FBN3: variants seen among roughly 807,000 people sequenced by gnomAD.
The protein encoded by FBN3 is fibrillin 3.
FBN3 carries 234 observed loss-of-function variants against 330.1 expected under a neutral mutation model. The ratio of observed to expected loss-of-function variants is 0.71; its 90% CI spans 0.64 to 0.79. The LOEUF (loss-of-function observed/expected upper bound fraction) is 0.79. FBN3 is among the 30% of genes least tolerant of loss of function. The pLI is 0.00. For missense variants in FBN3, 3,606 were observed against 3,886.9 expected, an observed-to-expected ratio of 0.93 and a Z score of 1.92; for synonymous variants, 1,458 against 1,517.3, an observed-to-expected ratio of 0.96 and a Z score of 0.91.
In FBN3 at chr19:8,066,023, C is replaced by T. The variant is rs1481326876; in HGVS notation, c.8326G>A (p.Glu2776Lys). 1 of 1,612,978 alleles carries T rather than the reference C, an allele frequency of 6.2e-7. No individual in the cohort carries two copies. The highest frequency in any genetic ancestry group is 1.1e-5 in the South Asian group (1 of 91,086). Residue 2776 changes from glutamate to lysine, a missense_variant, in exon 64 of 64, where the codon GAG becomes AAG. Coordinates refer to ENST00000600128, the MANE Select transcript of FBN3 (RefSeq NM_032447.5). ...RRPGPGTYRLEVVSHMAGPWG... is the reference protein window; with the variant it reads ...RRPGPGTYRLKVVSHMAGPWG... The stretch of plus-strand genomic sequence containing the variant: ...GGTCCTGCCATGTGGCTCACCACCT[C>T]CAGCCGGTAGGTTCCAGGCCCCGGC...
intron 22 of FBN3, among the ~76,000 whole-genome samples, chr19:8,125,664 G>A (rs1279990663): frequency 1.3e-5 from 2 of 151,756 alleles, no homozygotes; most frequent in African/African-American, 4.8e-5. Flanking sequence ...GGTGGTATGT[G>A]CCTGTAATCC....
At chr19:8,143,497 CTT>C (rs557671451) in intron 6 of FBN3, among the ~76,000 whole-genome samples, 13 of 126,082 alleles carry the variant, frequency 1.0e-4, no homozygotes, top group Admixed American at 1.8e-4. Flanking sequence ...CTTTTCTTTT[CTT>C]TTTTTTTTTT....
At chr19:8,117,380 A>G (rs984316597) in intron 27 of FBN3, 84 bp downstream of exon 27, 8 of 1,543,398 alleles carry the variant, frequency 5.2e-6, no homozygotes, top group Non-Finnish European at 6.1e-6. Flanking sequence ...AGCAGAGTGG[A>G]GTTGAGGTGA....
chr19:8,120,430 A>C (rs2082818043), intron 25 of FBN3, among the ~76,000 whole-genome samples: 1 of 151,192 alleles, frequency 6.6e-6, no homozygotes, highest in Non-Finnish European at 1.5e-5. Flanking sequence ...TCAGCCTCCC[A>C]AAGTGCTGGG....
rs1243601170 is a variant in FBN3 at position 8,096,945 on chromosome 19, G to A, written c.5349C>T (p.Ile1783=). The A allele has an allele frequency of 6.2e-7, 1 of 1,613,808 alleles. No individual in the cohort carries two copies. Among genetic ancestry groups the A allele is most frequent in the South Asian group, 1.1e-5 (1 of 91,084 alleles). Residue 1783 remains isoleucine (I), a synonymous_variant, in exon 43 of 64, where the codon ATC becomes ATT. Transcript: ENST00000600128. This position sits in a 1 kb window ranked among gnomAD's most constrained non-coding sequence, Gnocchi z 4.6. ...PCQQNADCIN[I]PGSYRCKCTR... ...TGCACTTGCAGCGGTAGCTACCGGG[G>A]ATGTTGATGCAGTCAGCATTCTGCT...
chr19:8,132,105 G>A (rs1253606276), intron 14 of FBN3, among the ~76,000 whole-genome samples: 1 of 152,072 alleles, frequency 6.6e-6, no homozygotes, highest in South Asian at 2.1e-4. Flanking sequence ...GAGTGCAGTG[G>A]CGTGATCATA....
In FBN3 at chr19:8,110,867, G is replaced by A. The variant is rs2082563973; in HGVS notation, c.4311C>T (p.Asp1437=). The change falls in exon 34 of 64, where the codon GAC becomes GAT. Residue 1437 remains aspartate, a synonymous_variant. Transcript: ENST00000600128. ...RCICNGGYEL[D]RGGGNCTDIN... is the part of the protein sequence containing the mutation. ...CACCTGTGCAGTTGCCACCCCCTCG[G>A]TCCAGTTCGTAGCCACCATTGCAGA... The A allele has an allele frequency of 1.2e-6, 2 of 1,614,158 alleles. No homozygotes were observed. The highest frequency in any genetic ancestry group is 1.7e-6 in the Non-Finnish European group (2 of 1,180,030).
At chr19:8,117,401 A>T in intron 27 of FBN3, 63 bp downstream of exon 27, 1 of 1,549,996 alleles carries the variant, frequency 6.5e-7, no homozygotes. Context: ...GGACAGGAGG[A>T]GCTACCACTA....
intron 46 of FBN3, among the ~76,000 whole-genome samples, 194 bp from the exon 47 acceptor site, chr19:8,094,759 C>G (rs1359836226): frequency 2.0e-5 from 3 of 152,122 alleles, no homozygotes; most frequent in African/African-American, 7.2e-5. Flanking sequence ...TTATCTGACT[C>G]TCGTGGGGTT....
chr19:8,130,105 C>T (rs2083089268), intron 16 of FBN3, among the ~76,000 whole-genome samples: 1 of 151,886 alleles, frequency 6.6e-6, no homozygotes, highest in Non-Finnish European at 1.5e-5. Context: ...ACCATGTTGG[C>T]CAGGCTGGTG....
chr19:8,113,573 C>A (rs1171809397), intron 30 of FBN3, among the ~76,000 whole-genome samples: 32 of 152,098 alleles, frequency 2.1e-4, no homozygotes, highest in Non-Finnish European at 8.8e-5. Flanking sequence ...GTGGCATGCA[C>A]CTGTAGTCCC....
Position 8,112,096 on chromosome 19 carries a change from AC to A in FBN3, c.3841del (p.Val1281TrpfsTer173). ...GTGTCCTCCAACCTCGCATTCATCCACATCTAAAGGGAGAGGAGGCACGACG... is the reference window on the plus strand; with the variant it reads ...GTGTCCTCCAACCTCGCATTCATCCAATCTAAAGGGAGAGGAGGCACGACG... ...VRKGATGCSDVDECEVGGHNC... is the reference protein window; with the variant it reads ...VRKGATGCSDXDECEVGGHNC... On this transcript the variant is annotated frameshift_variant and splice_region_variant, in exon 31 of 64. Coordinates refer to ENST00000600128, the MANE Select transcript of FBN3 (RefSeq NM_032447.5). LOFTEE classifies it high-confidence loss of function. The A allele has an allele frequency of 6.2e-7, 1 of 1,612,682 alleles. No homozygotes were observed.
intron 56 of FBN3, among the ~76,000 whole-genome samples, chr19:8,083,958 A>G (rs1394642129): frequency 6.6e-6 from 1 of 151,468 alleles, no homozygotes; most frequent in African/African-American, 2.4e-5. Context: ...ACCTGCCACC[A>G]CGCCCGGCTA....
At chr19:8,148,997 C>G (rs899815623) in intron 1 of FBN3, 1 of 152,464 alleles carries the variant, frequency 6.6e-6, no homozygotes, top group Non-Finnish European at 1.5e-5. Context: ...CTCGGTCCCC[C>G]CTACACACCG....
At position 8,091,072 on chromosome 19, in the gene FBN3, C is replaced by G. The variant is rs192823931; in HGVS notation, c.6031+393G>C. Among the ~76,000 whole-genome samples, 234 of 152,244 alleles carry G rather than the reference C, an allele frequency of 1.5e-3. 1 individual carries two copies. Among genetic ancestry groups the G allele is most frequent in the Middle Eastern group, 3.4e-3 (1 of 294 alleles). On this transcript the variant is annotated intron_variant, in intron 48 of 63. Coordinates refer to ENST00000600128, the MANE Select transcript of FBN3 (RefSeq NM_032447.5). ...TGCTCTCACCCTTATTGCCCCTGAC[C>G]TGTGAGAGAACAGGCTGGCTCAAGC... is the stretch of plus-strand genomic sequence containing the variant.
In FBN3 at chr19:8,089,971, G is replaced by A. The variant is rs8101644; in HGVS notation, c.6185-12C>T. ...CTCCTGAAAGGCAGCTGGACGGAGA[G>A]GGGGAGGGGAGTCAGAGTCAGGGCC... On this transcript the variant is annotated splice_polypyrimidine_tract_variant and intron_variant, in intron 49 of 63. Coordinates refer to ENST00000600128, the MANE Select transcript of FBN3 (RefSeq NM_032447.5). 2.9e-3 allele frequency: 4,697 copies of A among 1,609,156 alleles called. 140 individuals carry two copies. The African/African-American group carries it at 0.055, about 19-fold the overall frequency.
At chr19:8,076,785 A>G (rs985150410) in intron 59 of FBN3, among the ~76,000 whole-genome samples, 2 of 152,246 alleles carry the variant, frequency 1.3e-5, no homozygotes, top group South Asian at 2.1e-4. Flanking sequence ...TTTTTTAGAT[A>G]GGATCTCATT....
At chr19:8,124,040 C>A in intron 22 of FBN3, 32 bp from the exon 23 acceptor site, 3 of 1,566,292 alleles carry the variant, frequency 1.9e-6, no homozygotes, top group Admixed American at 1.7e-5. Flanking sequence ...CGTCCCCACC[C>A]CTGCCACACT....
At position 8,116,720 on chromosome 19, in the gene FBN3, C is replaced by T. The variant is rs1599379883; in HGVS notation, c.3666G>A (p.Leu1222=). ...CTNMPGGHRC[L]CYDGFMATPD... ...GCGTGGCCATGAAGCCATCATAGCA[C>T]AGGCAGCGGTGACCCCCTGGCATGT... Residue 1222 remains leucine (L), a synonymous_variant, in exon 29 of 64, where the codon CTG becomes CTA. Transcript: ENST00000600128. 1 of 1,614,116 alleles carries T rather than the reference C, an allele frequency of 6.2e-7. No individual in the cohort carries two copies. Among genetic ancestry groups the T allele is most frequent in the Middle Eastern group, 1.6e-4 (1 of 6,062 alleles).
Sources: gnomAD v4.1 joint callset for allele counts (sites outside exome capture counted in the v4.1 genomes callset) on GRCh38, gnomAD v4.1.1 for gene constraint, Gnocchi (gnomAD v3.1) non-coding constraint, MANE v1.5 for transcripts, NCBI Gene and HGNC (gene_info 2026-07-23, HGNC 2026-07-21) for gene names.